The following ASTN2 variants were observed in gnomAD, a reference collection of about 807,000 sequenced individuals.
ASTN2 encodes astrotactin 2.
ASTN2 carries 54 observed loss-of-function variants against 139.8 expected under a neutral mutation model. The ratio of observed to expected loss-of-function variants is 0.39; its 90% confidence interval spans 0.31 to 0.48. The LOEUF is 0.48. Ranked by LOEUF, ASTN2 falls within the 20% of genes least tolerant of loss-of-function variation. The probability of loss-of-function intolerance (pLI) is 0.95; values close to 1 mark genes in which losing one functional copy is unlikely to be tolerated. For synonymous variants in ASTN2, 756 were observed against 719.5 expected, an observed-to-expected ratio of 1.05 and a Z score of -0.81; for missense variants, 1,565 against 1,725.1, an observed-to-expected ratio of 0.91 and a Z score of 1.64.
At chr9:116,762,721 G>C (rs931071009) in intron 13 of ASTN2, among the ~76,000 whole-genome samples, 2 of 152,206 alleles carry the variant, frequency 1.3e-5, no homozygotes, top group African/African-American at 4.8e-5. Flanking sequence ...TGAGTAAATG[G>C]GTGGAGGGAT....
At chr9:116,978,462 CTGTA>C (rs1183941005) in intron 7 of ASTN2, among the ~76,000 whole-genome samples, 2 of 149,920 alleles carry the variant, frequency 1.3e-5, no homozygotes, top group Non-Finnish European at 2.9e-5. Context: ...GTATCTCTCT[CTGTA>C]TGTATCTCTC....
chr9:116,733,601 C>A, intron 13 of ASTN2, 78 bp from the exon 14 acceptor site: 1 of 1,579,358 alleles, frequency 6.3e-7, no homozygotes, highest in South Asian at 1.1e-5. Flanking sequence ...AGGCAGGATG[C>A]TGTAGTCAGA....
chr9:116,546,869 A>G (rs567406535), intron 19 of ASTN2, among the ~76,000 whole-genome samples: 12 of 152,238 alleles, frequency 7.9e-5, no homozygotes, highest in Admixed American at 6.5e-4. Context: ...CAATCAATAC[A>G]TTGAGGGAGC....
intron 3 of ASTN2, among the ~76,000 whole-genome samples, chr9:117,144,742 C>T (rs890862625): frequency 1.5e-5 from 2 of 129,834 alleles, no homozygotes; most frequent in Admixed American, 9.3e-5. Flanking sequence ...AGTGCAGTGG[C>T]GTGATCTCAG....
At chr9:116,541,138 C>T (rs1175881031) in intron 19 of ASTN2, among the ~76,000 whole-genome samples, 1 of 151,970 alleles carries the variant, frequency 6.6e-6, no homozygotes, top group Non-Finnish European at 1.5e-5. Context: ...TTTCTGCATT[C>T]CCATTCTATA....
intron 16 of ASTN2, among the ~76,000 whole-genome samples, chr9:116,683,940 A>C (rs1051343422): frequency 2.0e-5 from 3 of 152,194 alleles, no homozygotes; most frequent in African/African-American, 7.2e-5. Context: ...TATAGAGCCA[A>C]TTAAAGCCCC....
At chr9:117,056,970 T>C (rs1271417545) in intron 5 of ASTN2, among the ~76,000 whole-genome samples, 1 of 152,190 alleles carries the variant, frequency 6.6e-6, no homozygotes, top group African/African-American at 2.4e-5. Context: ...ACTAATAAAA[T>C]ATTGACTTCA....
chr9:116,736,975 T>A (rs996470821), intron 13 of ASTN2, among the ~76,000 whole-genome samples: 2 of 152,090 alleles, frequency 1.3e-5, no homozygotes, highest in Non-Finnish European at 2.9e-5. Context: ...GGGGCCTGGC[T>A]CAGGACACCC....
intron 5 of ASTN2, among the ~76,000 whole-genome samples, chr9:117,090,176 G>C (rs1270125273): frequency 1.3e-5 from 2 of 152,206 alleles, no homozygotes; most frequent in Middle Eastern, 3.2e-3. Flanking sequence ...GCCTATGGCA[G>C]GTTTCACACA....
At chr9:117,267,940 G>C (rs991473735) in intron 2 of ASTN2, among the ~76,000 whole-genome samples, 1 of 152,158 alleles carries the variant, frequency 6.6e-6, no homozygotes, top group Admixed American at 6.5e-5. Context: ...GACCCACTTT[G>C]TTGTTACATA....
chr9:117,056,646 A>G (rs1371043103), intron 5 of ASTN2, among the ~76,000 whole-genome samples: 1 of 152,246 alleles, frequency 6.6e-6, no homozygotes, highest in African/African-American at 2.4e-5. Context: ...CACAGGAGGC[A>G]GCAGGCAAGC....
In ASTN2 at chr9:116,698,536, T is replaced by C; in HGVS notation, c.2806+27235A>G. 1.2e-6 allele frequency: 2 copies of C among 1,613,830 alleles called. No homozygotes were observed. Among genetic ancestry groups the C allele is most frequent in the Non-Finnish European group, 1.7e-6 (2 of 1,180,006 alleles). The stretch of plus-strand genomic sequence containing the variant: ...ACAGCTGATGAGGAGGAGCCAGAGC[T>C]CACTGCCAGCTTGCCTCGGGAGCTC... On this transcript the variant is annotated intron_variant, in intron 16 of 22. Coordinates refer to ENST00000313400, the MANE Select transcript of ASTN2 (RefSeq NM_001365068.1). This position sits in a 1 kb window ranked among gnomAD's most constrained non-coding sequence, Gnocchi z 4.4.
intron 1 of ASTN2, among the ~76,000 whole-genome samples, chr9:117,411,448 A>G (rs1289667642): frequency 9.7e-6 from 1 of 103,588 alleles, no homozygotes; most frequent in Non-Finnish European, 2.1e-5. Flanking sequence ...AGGATCTGCA[A>G]AAAAAAAAAA....
Position 117,317,172 on chromosome 9 carries a change from T to A in ASTN2, c.443-25659A>T, listed in dbSNP as rs770611712. Among the ~76,000 whole-genome samples the A allele has an allele frequency of 2.4e-4, 36 of 152,180 alleles. No homozygotes were observed. In the Middle Eastern group the frequency reaches 0.01, roughly 43 times the overall value. On this transcript the variant is annotated intron_variant, in intron 1 of 22. Coordinates refer to ENST00000313400, the MANE Select transcript of ASTN2 (RefSeq NM_001365068.1). The stretch of plus-strand genomic sequence containing the variant: ...CACACACATAAACACACACAGAGAA[T>A]CCCATTTTCCTCAGGAGGCTGAAAT...
At chr9:116,987,797 G>T (rs1272218683) in intron 7 of ASTN2, among the ~76,000 whole-genome samples, 1 of 152,164 alleles carries the variant, frequency 6.6e-6, no homozygotes, top group Non-Finnish European at 1.5e-5. Flanking sequence ...CACTACTCTT[G>T]CACTTGGGGC....
chr9:117,111,713 A>G (rs968159028), intron 4 of ASTN2, among the ~76,000 whole-genome samples: 9 of 152,150 alleles, frequency 5.9e-5, no homozygotes, highest in Non-Finnish European at 1.3e-4. Flanking sequence ...AAAATCAAAC[A>G]TGATTTAAAC....
At chr9:117,103,271 A>G (rs1829026150) in intron 4 of ASTN2, among the ~76,000 whole-genome samples, 1 of 152,218 alleles carries the variant, frequency 6.6e-6, no homozygotes, top group Non-Finnish European at 1.5e-5. Context: ...CATTTTAGAT[A>G]TTCTTGGCAT....
chr9:116,512,802 T>C (rs1564332543), intron 19 of ASTN2, among the ~76,000 whole-genome samples: 1 of 152,216 alleles, frequency 6.6e-6, no homozygotes, highest in Non-Finnish European at 1.5e-5. Flanking sequence ...AAAATCTCTT[T>C]TATCAGAGTC....
chr9:116,976,600 A>G, intron 8 of ASTN2, 101 bp downstream of exon 8: 1 of 979,898 alleles, frequency 1.0e-6, no homozygotes, highest in Non-Finnish European at 1.5e-6. Context: ...TTGCAGAGAA[A>G]GAGTCCTCTT....
Sources: allele counts gnomAD v4.1 joint callset (sites outside exome capture counted in the v4.1 genomes callset), GRCh38; gene constraint gnomAD v4.1.1; non-coding constraint Gnocchi (gnomAD v3.1); transcripts MANE v1.5; gene names NCBI Gene and HGNC (gene_info 2026-07-23, HGNC 2026-07-21).